MALRD1: variants seen among roughly 807,000 people sequenced by gnomAD.
MALRD1 encodes MAM and LDL receptor class A domain containing 1.
MALRD1 carries 247 observed loss-of-function variants against 242.1 expected under a neutral mutation model. That is an observed-to-expected ratio of 1.02 (90% CI 0.92 to 1.13). The LOEUF is 1.13. Ranked by LOEUF, MALRD1 falls within the 50% of genes most tolerant of loss-of-function variation. MALRD1 has a pLI of 0.00. For missense variants in MALRD1, 2,989 were observed against 2,533.1 expected (o/e 1.18, Z -3.86); for synonymous variants, 995 against 866.6 (o/e 1.15, Z -2.60).
chr10:19,132,102 A>T (rs1833133104), intron 8 of MALRD1, among the ~76,000 whole-genome samples: 1 of 152,224 alleles, frequency 6.6e-6, no homozygotes, highest in South Asian at 2.1e-4. Context: ...CTCACTTTTC[A>T]AAAATGTAAG....
intron 13 of MALRD1, among the ~76,000 whole-genome samples, chr10:19,167,718 C>A (rs1434225750): frequency 6.6e-6 from 1 of 152,064 alleles, no homozygotes; most frequent in Non-Finnish European, 1.5e-5. Flanking sequence ...GGCTGGCTCC[C>A]AATAGTGGGT....
chr10:19,173,422 C>T (rs1442099451), intron 13 of MALRD1, among the ~76,000 whole-genome samples: 1 of 152,050 alleles, frequency 6.6e-6, no homozygotes, highest in East Asian at 1.9e-4. Flanking sequence ...CCTGCACAAG[C>T]CTTCATGTGT....
intron 21 of MALRD1, among the ~76,000 whole-genome samples, chr10:19,316,220 G>A (rs893597301): frequency 1.3e-4 from 19 of 151,732 alleles, no homozygotes; most frequent in Non-Finnish European, 1.5e-4. Flanking sequence ...TACTTCCAGA[G>A]CAATGCCATA....
intron 26 of MALRD1, among the ~76,000 whole-genome samples, chr10:19,356,963 G>A (rs1010693746): frequency 6.6e-6 from 1 of 151,974 alleles, no homozygotes; most frequent in Non-Finnish European, 1.5e-5. Flanking sequence ...ACAAAAATTA[G>A]CCAGGCATGG....
In MALRD1 at chr10:19,655,895, G is replaced by A. The variant is rs78782359; in HGVS notation, c.6138-36387G>A. Among the ~76,000 whole-genome samples the A allele has an allele frequency of 1.9e-3, 282 of 152,184 alleles. 1 individual carries two copies. Among genetic ancestry groups the A allele is most frequent in the Middle Eastern group, 6.8e-3 (2 of 294 alleles). Reference sequence around the variant, plus strand: ...TCTGATGCCATCTAGCTGATTAAGTGTATAGAATTTGAGGACAGAGTGTCT... The same window carrying A: ...TCTGATGCCATCTAGCTGATTAAGTATATAGAATTTGAGGACAGAGTGTCT... On this transcript the variant is annotated intron_variant, in intron 36 of 39. Transcript: ENST00000454679.
At chr10:19,217,532 C>CTTTTTTTTTTTTTTTTTTTTTTTTTTT (rs34267262) in intron 18 of MALRD1, among the ~76,000 whole-genome samples, 2 of 116,390 alleles carry the variant, frequency 1.7e-5, no homozygotes, top group African/African-American at 7.4e-5. Flanking sequence ...ATCATGCAGT[C>CTTTTTTTTTTTTTTTTTTTTTTTTTTT]TTTTTTTTTT....
At chr10:19,461,136 A>T (rs1368257362) in intron 29 of MALRD1, among the ~76,000 whole-genome samples, 2 of 152,144 alleles carry the variant, frequency 1.3e-5, no homozygotes, top group Non-Finnish European at 2.9e-5. Flanking sequence ...TTGAAAAATC[A>T]ATGGGCGACA....
rs972033414 is a variant in MALRD1 at position 19,710,525 on chromosome 10, T to A, written c.6314+17971T>A. 7 of 151,834 alleles carry A rather than the reference T, an allele frequency of 4.6e-5. No individual in the cohort carries two copies. In the East Asian group the frequency reaches 1.2e-3, roughly 25 times the overall value. The allele number at this position is 151,834 out of a possible 1,614,324, so 9.4% of individuals were successfully genotyped here. A position where few individuals can be genotyped will look rare whatever the true frequency, so the allele number is the denominator to read the frequency against. ...ACACATTTATTGAATAATGCACACT[T>A]CTTTGGTGTGTATACACATGTTTGT... On this transcript the variant is annotated intron_variant, in intron 38 of 39. Coordinates refer to ENST00000454679, the MANE Select transcript of MALRD1 (RefSeq NM_001142308.3).
chr10:19,389,737 T>C, intron 28 of MALRD1, 128 bp downstream of exon 28: 2 of 980,416 alleles, frequency 2.0e-6, no homozygotes, highest in African/African-American at 3.3e-5. Flanking sequence ...ACTCCTGGAC[T>C]CAAGCGATCC....
intron 21 of MALRD1, among the ~76,000 whole-genome samples, chr10:19,285,293 T>C (rs1841051716): frequency 7.2e-6 from 1 of 139,786 alleles, no homozygotes; most frequent in Non-Finnish European, 1.5e-5. Context: ...TTTGTTGCCA[T>C]TGCTTTTGGT....
chr10:19,634,232 C>T lies in MALRD1; in HGVS notation c.6137+18309C>T, dbSNP rs1840031517. 2.6e-5 allele frequency among the ~76,000 whole-genome samples: 4 copies of T among 152,236 alleles called. No individual in the cohort carries two copies. The South Asian group carries it at 8.3e-4, about 32-fold the overall frequency. ...ATTCCTCTCATTTCCTGCTGCTTTC[C>T]CAGACTCCAATGCCAGATGAGCAGA... On this transcript the variant is annotated intron_variant, in intron 36 of 39. Coordinates refer to ENST00000454679, the MANE Select transcript of MALRD1 (RefSeq NM_001142308.3).
intron 8 of MALRD1, among the ~76,000 whole-genome samples, chr10:19,131,666 G>A (rs1055378369): frequency 6.6e-6 from 1 of 151,978 alleles, no homozygotes; most frequent in African/African-American, 2.4e-5. Flanking sequence ...ATTGACTTTG[G>A]TACCCTTGAT....
intron 29 of MALRD1, among the ~76,000 whole-genome samples, chr10:19,464,099 G>T (rs1262696192): frequency 6.6e-6 from 1 of 152,090 alleles, no homozygotes; most frequent in Non-Finnish European, 1.5e-5. Context: ...GTTCATTGTA[G>T]ATTCTGGATA....
At chr10:19,135,166 T>C (rs1020596351) in intron 9 of MALRD1, among the ~76,000 whole-genome samples, 2 of 152,144 alleles carry the variant, frequency 1.3e-5, no homozygotes, top group Admixed American at 1.3e-4. Context: ...TCGTATTTTG[T>C]TTGTTTGAAA....
At chr10:19,065,693 T>A (rs942207848) in intron 1 of MALRD1, among the ~76,000 whole-genome samples, 1 of 152,174 alleles carries the variant, frequency 6.6e-6, no homozygotes, top group South Asian at 2.1e-4. Flanking sequence ...CATGGGTAGG[T>A]ATTGTGAACA....
At chr10:19,465,069 C>T (rs61531749) in intron 29 of MALRD1, among the ~76,000 whole-genome samples, 8,670 of 151,604 alleles carry the variant, frequency 0.057, 782 homozygotes, top group African/African-American at 0.2. Context: ...ATTTTGTAGC[C>T]GGAAACTTTG....
At chr10:19,693,160 G>A (rs1319419956) in intron 38 of MALRD1, among the ~76,000 whole-genome samples, 1 of 151,640 alleles carries the variant, frequency 6.6e-6, no homozygotes, top group African/African-American at 2.4e-5. Flanking sequence ...TTTGAAAACT[G>A]GCACAGGACA....
intron 11 of MALRD1, among the ~76,000 whole-genome samples, chr10:19,150,014 A>G (rs554022274): frequency 2.9e-4 from 44 of 152,298 alleles, no homozygotes; most frequent in Admixed American, 2.5e-3. Context: ...TTCAGCCACA[A>G]TTCCTTCCTT....
chr10:19,559,355 A>G (rs1835862364), intron 32 of MALRD1, among the ~76,000 whole-genome samples: 1 of 152,128 alleles, frequency 6.6e-6, no homozygotes, highest in African/African-American at 2.4e-5. Flanking sequence ...CTTTTCAAAG[A>G]ATCAACTTTT....
Sources: gnomAD v4.1 joint callset for allele counts (sites outside exome capture counted in the v4.1 genomes callset) on GRCh38, gnomAD v4.1.1 for gene constraint, MANE v1.5 for transcripts, NCBI Gene and HGNC (gene_info 2026-07-23, HGNC 2026-07-21) for gene names.